The following AGBL3 variants were observed in gnomAD, a reference collection of about 807,000 sequenced individuals.
AGBL3 encodes AGBL carboxypeptidase 3, also known as cytosolic carboxypeptidase 3.
In AGBL3, 68 loss-of-function variants were observed where a neutral mutation model predicts 94.5. The observed-to-expected ratio is 0.72, with a 90% CI of 0.59 to 0.88. The LOEUF (loss-of-function observed/expected upper bound fraction) is 0.88, where lower values mean the gene tolerates loss of function less well. AGBL3 is among the 40% of genes least tolerant of loss of function. The pLI is 0.00. For missense variants in AGBL3, 934 were observed against 1,103.8 expected (o/e 0.85, Z 2.18); for synonymous variants, 354 against 370.7 (o/e 0.95, Z 0.52).
chr7:135,073,632 C>G (rs1048238533), intron 12 of AGBL3, among the ~76,000 whole-genome samples: 2 of 152,050 alleles, frequency 1.3e-5, no homozygotes, highest in Admixed American at 6.6e-5. Context: ...GTCTCAAGAG[C>G]CGAGCTCCCC....
intron 5 of AGBL3, among the ~76,000 whole-genome samples, chr7:135,030,854 A>T (rs952197963): frequency 6.6e-6 from 1 of 152,120 alleles, no homozygotes; most frequent in African/African-American, 2.4e-5. Context: ...AAAATTTTCA[A>T]TTATAAATTG....
chr7:135,023,506 T>A (rs1024296057), intron 5 of AGBL3, among the ~76,000 whole-genome samples: 1 of 152,062 alleles, frequency 6.6e-6, no homozygotes, highest in African/African-American at 2.4e-5. Flanking sequence ...CCCACAGATA[T>A]TTGAACTGTC....
intron 15 of AGBL3, chr7:135,092,901 T>C (rs1822063041): frequency 6.6e-6 from 1 of 152,032 alleles, no homozygotes; most frequent in African/African-American, 2.4e-5. Context: ...TAATATACCA[T>C]GTTAATAGAA....
chr7:135,113,417 T>A (rs769188976), intron 15 of AGBL3, among the ~76,000 whole-genome samples: 1 of 152,238 alleles, frequency 6.6e-6, no homozygotes, highest in Non-Finnish European at 1.5e-5. Context: ...AAATAAATTC[T>A]ATAAATTATA....
intron 4 of AGBL3, among the ~76,000 whole-genome samples, chr7:135,008,262 T>C (rs1188229569): frequency 1.3e-5 from 2 of 152,266 alleles, no homozygotes; most frequent in African/African-American, 4.8e-5. Context: ...ATTTAGACAG[T>C]GTGGTACTGT....
At chr7:135,121,637 G>A (rs537468670) in intron 16 of AGBL3, among the ~76,000 whole-genome samples, 2 of 152,094 alleles carry the variant, frequency 1.3e-5, no homozygotes, top group East Asian at 3.9e-4. Context: ...TCTGGGATGG[G>A]GCCAAGATGG....
chr7:134,992,921 G>A (rs377719719), intron 3 of AGBL3, among the ~76,000 whole-genome samples: 5 of 152,292 alleles, frequency 3.3e-5, no homozygotes, highest in African/African-American at 7.2e-5. Context: ...AGAGAAGTGC[G>A]CTTAAGGAGG....
rs2732902 is a variant in AGBL3, at chr7:134,989,355, A to G, written c.124+45A>G. Reference sequence around the variant, plus strand: ...GTTTTTGTTTAGCATAAAACTTTGAATGGATAAAAAAGAAGATGAGGAAAC... The same window carrying G: ...GTTTTTGTTTAGCATAAAACTTTGAGTGGATAAAAAAGAAGATGAGGAAAC... On this transcript the variant is annotated intron_variant, in intron 3 of 16. Transcript: ENST00000436302. 19,033 of 1,322,832 alleles carry G rather than the reference A, an allele frequency of 0.014. 2,031 individuals carry two copies. The African/African-American group carries it at 0.24, about 17-fold the overall frequency. 81.9% of individuals were successfully genotyped at this position (1,322,832 alleles called of 1,614,324 possible).
chr7:135,111,064 C>T (rs1825568432), intron 15 of AGBL3, among the ~76,000 whole-genome samples: 1 of 152,212 alleles, frequency 6.6e-6, no homozygotes, highest in Non-Finnish European at 1.5e-5. Flanking sequence ...TAACATCTCC[C>T]CTTTACCCTC....
In AGBL3 at chr7:135,073,311, C is replaced by CA. The variant is rs996397392; in HGVS notation, c.1909-3077dup. Among the ~76,000 whole-genome samples, 23 of 150,424 alleles carry CA rather than the reference C, an allele frequency of 1.5e-4. No individual in the cohort carries two copies. In the East Asian group the frequency reaches 2.3e-3, roughly 15 times the overall value. On this transcript the variant is annotated intron_variant, in intron 12 of 16. Coordinates refer to ENST00000436302, the MANE Select transcript of AGBL3 (RefSeq NM_178563.4). ...TGAAACCCCGTCTCTACTAAAAATA[C>CA]AAAAAAAAATTAGCTGGGTGTGGTG...
chr7:135,003,483 G>T (rs568169844), intron 4 of AGBL3, among the ~76,000 whole-genome samples: 2 of 151,944 alleles, frequency 1.3e-5, no homozygotes, highest in African/African-American at 4.8e-5. Context: ...TCTAAAATAA[G>T]CTTTCCTAGT....
chr7:135,015,856 T>TAAAA (rs1162854664), intron 4 of AGBL3, among the ~76,000 whole-genome samples: 2 of 9,084 alleles, frequency 2.2e-4, no homozygotes, highest in Non-Finnish European at 4.9e-4. Context: ...CTACTAAAAA[T>TAAAA]ACAAAAAAAA....
intron 6 of AGBL3, among the ~76,000 whole-genome samples, chr7:135,033,875 A>G (rs1456048377): frequency 6.6e-6 from 1 of 152,208 alleles, no homozygotes; most frequent in East Asian, 1.9e-4. Context: ...GTTGAAATAT[A>G]TAAACTTTTA....
rs1816100687 is a variant in AGBL3 at position 135,034,497 on chromosome 7, T to C, written c.906T>C (p.Thr302=). The C allele has an allele frequency of 6.4e-7, 1 of 1,551,786 alleles. No homozygotes were observed. Among genetic ancestry groups the C allele is most frequent in the African/African-American group, 1.4e-5 (1 of 73,042 alleles). The change falls in exon 7 of 17, where the codon ACT becomes ACC. Residue 302 remains threonine (T), a synonymous_variant. Coordinates refer to ENST00000436302, the MANE Select transcript of AGBL3 (RefSeq NM_178563.4). The part of the protein sequence containing the change: ...TCYFAHCYPY[T]YTNLQEYLSG... ...ACTTTGCTCATTGCTATCCATACAC[T>C]TACACCAACCTGCAAGAATACCTTT...
chr7:135,052,147 A>AT (rs1402350884), intron 11 of AGBL3, among the ~76,000 whole-genome samples: 5 of 151,968 alleles, frequency 3.3e-5, no homozygotes, highest in East Asian at 1.9e-4. Context: ...ATTTTCATTA[A>AT]TTTTTTTTAC....
At chr7:135,072,903 T>TA (rs1427350688) in intron 12 of AGBL3, among the ~76,000 whole-genome samples, 6 of 151,426 alleles carry the variant, frequency 4.0e-5, no homozygotes, top group African/African-American at 1.5e-4. Flanking sequence ...CCCTAAAACT[T>TA]AAAGTATAAT....
At chr7:135,124,964 C>G (rs878918917) in intron 16 of AGBL3, among the ~76,000 whole-genome samples, 5 of 151,966 alleles carry the variant, frequency 3.3e-5, no homozygotes, top group African/African-American at 4.8e-5. Context: ...ATCTCAAATC[C>G]ACACCCAAAT....
chr7:135,060,800 G>A (rs1038812883), intron 12 of AGBL3, among the ~76,000 whole-genome samples: 3 of 152,004 alleles, frequency 2.0e-5, no homozygotes, highest in Non-Finnish European at 2.9e-5. Flanking sequence ...TTTATCTGTC[G>A]ATGAACACTT....
chr7:135,062,693 CTG>C (rs1453880130), intron 12 of AGBL3, among the ~76,000 whole-genome samples: 2 of 152,050 alleles, frequency 1.3e-5, no homozygotes, highest in African/African-American at 4.8e-5. Context: ...TGAACCATCC[CTG>C]TATTCCTGGG....
Sources: allele counts gnomAD v4.1 joint callset (sites outside exome capture counted in the v4.1 genomes callset), GRCh38; gene constraint gnomAD v4.1.1; transcripts MANE v1.5; gene names NCBI Gene and HGNC (gene_info 2026-07-23, HGNC 2026-07-21).